The following RELA variants were observed in gnomAD, a reference collection of about 807,000 sequenced individuals.
RELA encodes the protein RELA proto-oncogene, NF-kB subunit, also known as transcription factor p65.
RELA carries 14 observed loss-of-function variants against 56.7 expected under a neutral mutation model. The observed-to-expected ratio is 0.25, with a 90% CI of 0.16 to 0.39. The LOEUF (loss-of-function observed/expected upper bound fraction) is 0.39. Ranked by LOEUF, RELA falls within the 10% of genes least tolerant of loss-of-function variation. The pLI, the probability that RELA is intolerant of heterozygous loss-of-function variation, is 1.00. For missense variants in RELA, 559 were observed against 736.4 expected (o/e 0.76, Z 2.79); for synonymous variants, 315 against 289.7 (o/e 1.09, Z -0.89).
At chr11:65,655,575 A>C in intron 10 of RELA, 113 bp downstream of exon 10, 1 of 1,060,592 alleles carries the variant, frequency 9.4e-7, no homozygotes, top group Non-Finnish European at 1.4e-6. Flanking sequence ...CCATCCTTTC[A>C]AAGCCTCTGA....
chr11:65,661,632 C>T, intron 4 of RELA, 55 bp downstream of exon 4: 1 of 1,495,634 alleles, frequency 6.7e-7, no homozygotes, highest in Non-Finnish European at 9.0e-7. Context: ...GCGGCTACTT[C>T]ATAGCCCGCC....
At chr11:65,659,950 C>T in intron 5 of RELA, 153 bp from the exon 6 acceptor site, 1 of 1,200,576 alleles carries the variant, frequency 8.3e-7, no homozygotes, top group Non-Finnish European at 1.2e-6. Flanking sequence ...TCCACTGTGG[C>T]CTGAATGTCA....
At chr11:65,659,963 T>G in intron 5 of RELA, 161 bp downstream of exon 5, 1 of 1,162,950 alleles carries the variant, frequency 8.6e-7, no homozygotes, top group South Asian at 1.4e-5. Flanking sequence ...GAATGTCATG[T>G]CCCCTCCTGG....
intron 5 of RELA, 81 bp from the exon 6 acceptor site, chr11:65,659,878 G>A (rs1255227028): frequency 2.0e-6 from 3 of 1,505,198 alleles, no homozygotes; most frequent in African/African-American, 2.8e-5. Context: ...GCTCTGCGCT[G>A]GGAGGGCCGC....
chr11:65,657,922 C>A (rs548181801), intron 8 of RELA, among the ~76,000 whole-genome samples: 1 of 152,292 alleles, frequency 6.6e-6, no homozygotes, highest in Admixed American at 6.5e-5. Flanking sequence ...GACAAGACAA[C>A]CAGTGTGGCA....
At chr11:65,661,860 C>A in intron 3 of RELA, 25 bp from the exon 4 acceptor site, 1 of 1,602,464 alleles carries the variant, frequency 6.2e-7, no homozygotes, top group Non-Finnish European at 8.5e-7. Flanking sequence ...GAGGCCCAGA[C>A]ATCCAAACCT....
At position 65,654,253 on chromosome 11, in the gene RELA, C is replaced by G. The variant is rs185800190; in HGVS notation, c.*125G>C. On this transcript the variant is annotated 3_prime_UTR_variant, in exon 11 of 11. Coordinates refer to ENST00000406246, the MANE Select transcript of RELA (RefSeq NM_021975.4). The stretch of plus-strand genomic sequence containing the variant: ...ATAAAAGAATAAAATATGGCTCCCC[C>G]CTCCAAGGAAGACATCCACAAAGTT... 6.9e-6 allele frequency: 8 copies of G among 1,161,034 alleles called. No individual in the cohort carries two copies. The highest frequency in any genetic ancestry group is 2.4e-4 in the Middle Eastern group (1 of 4,172). 71.9% of individuals were successfully genotyped at this position (1,161,034 alleles called of 1,614,324 possible).
At position 65,662,884 on chromosome 11, in the gene RELA, A is replaced by C; in HGVS notation, c.-52T>G. ...GGTCGCAGCTGGGCCCGCGGCGTGC[A>C]CTACAGACGAGCCATTCGCCAGAGG... On this transcript the variant is annotated 5_prime_UTR_variant, in exon 1 of 11. Coordinates refer to ENST00000406246, the MANE Select transcript of RELA (RefSeq NM_021975.4). 1 of 1,179,128 alleles carries C rather than the reference A, an allele frequency of 8.5e-7. No individual in the cohort carries two copies. Among genetic ancestry groups the C allele is most frequent in the Non-Finnish European group, 1.0e-6 (1 of 952,920 alleles). The allele number at this position is 1,179,128 out of a possible 1,614,324, so 73.0% of individuals were successfully genotyped here.
Position 65,660,447 on chromosome 11 carries a change from C to T in RELA, c.336-232G>A, listed in dbSNP as rs187369420. On this transcript the variant is annotated intron_variant, in intron 4 of 10. Coordinates refer to ENST00000406246, the MANE Select transcript of RELA (RefSeq NM_021975.4). ...CTGTGGGCTCCCTGCTTACAGCCACCGGGGCTCCTTTTCCACTCTCTAAAC... is the reference window on the plus strand; with the variant it reads ...CTGTGGGCTCCCTGCTTACAGCCACTGGGGCTCCTTTTCCACTCTCTAAAC... 1.5e-5 allele frequency: 9 copies of T among 581,326 alleles called. No homozygotes were observed. In the Admixed American group the frequency reaches 2.1e-4, roughly 14 times the overall value. 36.0% of individuals were successfully genotyped at this position (581,326 alleles called of 1,614,324 possible).
At chr11:65,662,135 C>A (rs749717438) in intron 2 of RELA, 44 bp downstream of exon 2, 5 of 1,600,294 alleles carry the variant, frequency 3.1e-6, no homozygotes, top group Non-Finnish European at 4.3e-6. Flanking sequence ...CCCCACTGCC[C>A]TACCCCAGGG....
At chr11:65,656,178 A>G (rs558646665) in intron 8 of RELA, among the ~76,000 whole-genome samples, 2 of 152,314 alleles carry the variant, frequency 1.3e-5, no homozygotes, top group East Asian at 3.9e-4. Flanking sequence ...TACAGGGGCC[A>G]TGCTCTGGGC....
At chr11:65,659,044 C>T (rs1188389465) in intron 6 of RELA, among the ~76,000 whole-genome samples, 1 of 152,180 alleles carries the variant, frequency 6.6e-6, no homozygotes, top group Admixed American at 6.5e-5. Flanking sequence ...AGCAAGAATA[C>T]GACCACACAC....
At chr11:65,655,504 G>C (rs1452374387) in intron 10 of RELA, 184 bp downstream of exon 10, 1 of 608,866 alleles carries the variant, frequency 1.6e-6, no homozygotes, top group Admixed American at 2.9e-5. Context: ...GAATTTAAGT[G>C]GCACGGTGGT....
At chr11:65,655,600 A>C in intron 10 of RELA, 88 bp downstream of exon 10, 2 of 1,293,190 alleles carry the variant, frequency 1.5e-6, no homozygotes, top group Non-Finnish European at 2.2e-6. Flanking sequence ...GTAGGTCTGT[A>C]ATGGGGCCCA....
intron 1 of RELA, 78 bp from the exon 2 acceptor site, chr11:65,662,283 G>A: frequency 1.4e-6 from 2 of 1,429,202 alleles, no homozygotes; most frequent in Non-Finnish European, 1.8e-6. Flanking sequence ...TCCACGGAGA[G>A]GAGAAGCCAG....
In RELA at chr11:65,654,446, CTGA is replaced by C. The variant is rs1856364807; in HGVS notation, c.1585_1587del (p.Ser529del). 6 of 1,609,950 alleles carry C rather than the reference CTGA, an allele frequency of 3.7e-6. No individual in the cohort carries two copies. The highest frequency in any genetic ancestry group is 5.1e-6 in the Non-Finnish European group (6 of 1,178,374). On this transcript the variant is annotated inframe_deletion, in exon 11 of 11. Transcript: ENST00000406246. The stretch of plus-strand genomic sequence containing the variant: ...GCAATGGAGGAGAAGTCTTCATCTC[CTGA>C]AAGGAGGCCATTGGGGAGCCCCGGG...
chr11:65,661,342 A>C (rs531759347), intron 4 of RELA: 5 of 216,054 alleles, frequency 2.3e-5, no homozygotes, highest in Non-Finnish European at 4.6e-5. Context: ...ATTTTTTTAC[A>C]GCCTGTCTCT....
intron 8 of RELA, among the ~76,000 whole-genome samples, chr11:65,656,164 C>T (rs1035338652): frequency 6.6e-6 from 1 of 152,120 alleles, no homozygotes; most frequent in African/African-American, 2.4e-5. Context: ...ATGGTGAGGC[C>T]GAGTACAGGG....
chr11:65,658,472 G>A lies in RELA; in HGVS notation c.692C>T (p.Pro231Leu), dbSNP rs764063700. 3 of 1,611,254 alleles carry A rather than the reference G, an allele frequency of 1.9e-6. No individual in the cohort carries two copies. Among genetic ancestry groups the A allele is most frequent in the Middle Eastern group, 3.3e-4 (2 of 6,058 alleles). The change falls in exon 8 of 11, where the codon CCA (proline) becomes CTA (leucine). Residue 231 changes from proline to leucine, a missense_variant. This residue lies in a region of RELA where 149 missense variants were observed against 256.0 expected (regional missense o/e 0.58). Coordinates refer to ENST00000406246, the MANE Select transcript of RELA (RefSeq NM_021975.4). The surrounding 1 kb of genome is among the most constrained non-coding windows in gnomAD (Gnocchi z 4.5). ...AAAGGAGCCTCGGGCCTCCCAGCCT[G>A]GTCCCGTGAAATACACCTCAATGTC... The part of the protein sequence containing the change: ...KEDIEVYFTG[P>L]GWEARGSFSQ...
Sources: gnomAD v4.1 joint callset for allele counts (sites outside exome capture counted in the v4.1 genomes callset) on GRCh38, gnomAD v4.1.1 for gene constraint, gnomAD v4.1.1 regional missense constraint, Gnocchi (gnomAD v3.1) non-coding constraint, MANE v1.5 for transcripts, NCBI Gene and HGNC (gene_info 2026-07-23, HGNC 2026-07-21) for gene names.